Variants in IGSF9 observed in about 807,000 individuals in gnomAD.
The protein encoded by IGSF9 is protein turtle homolog A.
A neutral mutation model predicts 121.7 loss-of-function variants in IGSF9; 87 were observed. That is an observed-to-expected ratio of 0.71 (90% CI 0.60 to 0.85). The LOEUF is 0.85. IGSF9 is among the 40% of genes least tolerant of loss of function. The probability of loss-of-function intolerance (pLI) is 0.00; values close to 1 mark genes in which losing one functional copy is unlikely to be tolerated. For missense variants in IGSF9, 1,462 were observed against 1,565.3 expected (o/e 0.93, Z 1.11); for synonymous variants, 640 against 648.4 (o/e 0.99, Z 0.20).
In IGSF9 at chr1:159,929,654, G is replaced by C. The variant is rs1410521405; in HGVS notation, c.2310C>G (p.Arg770=). Residue 770 remains arginine (R), a synonymous_variant, in exon 17 of 21, where the codon CGC becomes CGG. Coordinates refer to ENST00000368094, the MANE Select transcript of IGSF9 (RefSeq NM_001135050.2). ...GGGACTTACCTTGGCGGAGGCGCTT[G>C]CGGCGGCGGCGGGCAGCCCTGCGCC... The part of the protein sequence containing the change: ...LNRRRAARRR[R]KRLRQDPPLI... 6.3e-7 allele frequency: 1 copy of C among 1,589,782 alleles called. No individual in the cohort carries two copies. The highest frequency in any genetic ancestry group is 8.5e-7 in the Non-Finnish European group (1 of 1,170,160).
At position 159,930,264 on chromosome 1, in the gene IGSF9, G is replaced by T. The variant is rs753427839; in HGVS notation, c.1989C>A (p.Gly663=). 2.5e-6 allele frequency: 4 copies of T among 1,613,832 alleles called. No individual in the cohort carries two copies. The highest frequency in any genetic ancestry group is 3.4e-6 in the Non-Finnish European group (4 of 1,179,906). ...LDGYVLEGRQ[G]SQGWEVLDPA... is the part of the protein sequence containing the mutation. The stretch of plus-strand genomic sequence containing the variant: ...GGTCCAGCACCTCCCAGCCCTGGGA[G>T]CCTTGCCGGCCTTCCAAGACGTAGC... The change falls in exon 15 of 21, where the codon GGC becomes GGA. Residue 663 remains glycine, a synonymous_variant. Coordinates refer to ENST00000368094, the MANE Select transcript of IGSF9 (RefSeq NM_001135050.2).
rs1650773271 is a variant in IGSF9 at position 159,927,365 on chromosome 1, C to CG, written c.3519dup (p.Glu1174ArgfsTer15). On this transcript the variant is annotated frameshift_variant, in exon 21 of 21. Coordinates refer to ENST00000368094, the MANE Select transcript of IGSF9 (RefSeq NM_001135050.2). LOFTEE classifies it high-confidence loss of function. Reference sequence around the variant, plus strand: ...GATGTTCACAGCAGAGTGGCCTGTTCGGGGTGGGGGACTGGCTGTCGATAG... The same window carrying CG: ...GATGTTCACAGCAGAGTGGCCTGTTCGGGGGTGGGGGACTGGCTGTCGATAG... 1 of 1,613,576 alleles carries CG rather than the reference C, an allele frequency of 6.2e-7. No homozygotes were observed. Among genetic ancestry groups the CG allele is most frequent in the South Asian group, 1.1e-5 (1 of 91,062 alleles).
chr1:159,930,602 C>T (rs1650959854), intron 14 of IGSF9, 90 bp downstream of exon 14: 13 of 1,575,746 alleles, frequency 8.3e-6, no homozygotes, highest in Admixed American at 1.8e-5. Flanking sequence ...CACCTCTGCC[C>T]CTTCCCACCC....
chr1:159,928,138 T>C lies in IGSF9; in HGVS notation c.3230+20A>G, dbSNP rs1290740868. On this transcript the variant is annotated intron_variant, in intron 19 of 20. Coordinates refer to ENST00000368094, the MANE Select transcript of IGSF9 (RefSeq NM_001135050.2). Reference sequence around the variant, plus strand: ...GGTGGGACTGAGGCGGAGGCAGGGATGGGCAGGGACTGCTCTCACCTCTTG... The same window carrying C: ...GGTGGGACTGAGGCGGAGGCAGGGACGGGCAGGGACTGCTCTCACCTCTTG... 1 of 1,600,042 alleles carries C rather than the reference T, an allele frequency of 6.2e-7. No individual in the cohort carries two copies. Among genetic ancestry groups the C allele is most frequent in the African/African-American group, 1.3e-5 (1 of 74,996 alleles).
Position 159,928,188 on chromosome 1 carries a change from C to T in IGSF9, c.3200G>A (p.Arg1067Gln), listed in dbSNP as rs770700069. Reference protein sequence around the residue: ...SWASGPERWPRREHVVTVSKR... With the variant: ...SWASGPERWPQREHVVTVSKR... Reference sequence around the variant, plus strand: ...GCTGACTGTCACCACATGCTCCCTTCGGGGCCATCTCTCAGGGCCACTGGC... The same window carrying T: ...GCTGACTGTCACCACATGCTCCCTTTGGGGCCATCTCTCAGGGCCACTGGC... The change falls in exon 19 of 21, where the codon CGA becomes CAA. Residue 1067 changes from arginine to glutamine, a missense_variant. By Grantham distance (43) the Arg-to-Gln change is conservative. This residue lies in a region of IGSF9 where 808 missense variants were observed against 815.2 expected (regional missense o/e 0.99). Coordinates refer to ENST00000368094, the MANE Select transcript of IGSF9 (RefSeq NM_001135050.2). 19 of 1,610,752 alleles carry T rather than the reference C, an allele frequency of 1.2e-5. No individual in the cohort carries two copies. Among genetic ancestry groups the T allele is most frequent in the South Asian group, 5.5e-5 (5 of 91,076 alleles).
chr1:159,927,085 C>T lies in IGSF9; in HGVS notation c.*260G>A. On this transcript the variant is annotated 3_prime_UTR_variant, in exon 21 of 21. Coordinates refer to ENST00000368094, the MANE Select transcript of IGSF9 (RefSeq NM_001135050.2). ...TCACCTGTAAAAAACTTCACACACA[C>T]ACACACACACACAGAGAGAGAGAGA... The T allele has an allele frequency of 1.9e-6, 1 of 521,682 alleles. No homozygotes were observed. Among genetic ancestry groups the T allele is most frequent in the Admixed American group, 3.6e-5 (1 of 27,726 alleles). 32.3% of individuals were successfully genotyped at this position (521,682 alleles called of 1,614,324 possible). A position where few individuals can be genotyped will look rare whatever the true frequency, so the allele number is the denominator to read the frequency against.
chr1:159,937,022 G>A, intron 4 of IGSF9, 114 bp from the exon 5 acceptor site: 2 of 1,062,146 alleles, frequency 1.9e-6, no homozygotes, highest in Non-Finnish European at 2.8e-6. Flanking sequence ...CACCAGCCCT[G>A]CCTCATAGGA....
At position 159,927,097 on chromosome 1, in the gene IGSF9, CAGAGAGAG is replaced by C. The variant is rs1553225973; in HGVS notation, c.*240_*247del. The stretch of plus-strand genomic sequence containing the variant: ...AACTTCACACACACACACACACACA[CAGAGAGAG>C]AGAGAGAGAGAGAGAGAGAGAGAGA... On this transcript the variant is annotated 3_prime_UTR_variant, in exon 21 of 21. Transcript: ENST00000368094. The C allele has an allele frequency of 0.053, 19,529 of 370,102 alleles. 427 individuals carry two copies. Among genetic ancestry groups the C allele is most frequent in the African/African-American group, 0.11 (4,782 of 42,186 alleles). The allele number at this position is 370,102 out of a possible 1,614,324, so 22.9% of individuals were successfully genotyped here. A position where few individuals can be genotyped will look rare whatever the true frequency, so the allele number is the denominator to read the frequency against.
At chr1:159,929,485 AT>A in intron 17 of IGSF9, 92 bp from the exon 18 acceptor site, 1 of 1,534,056 alleles carries the variant, frequency 6.5e-7, no homozygotes, top group Non-Finnish European at 8.9e-7. Flanking sequence ...GCCCAACCCC[AT>A]CCGGCTGGGA....
chr1:159,928,466 A>G lies in IGSF9; in HGVS notation c.2922T>C (p.Pro974=). 6.3e-7 allele frequency: 1 copy of G among 1,592,790 alleles called. No individual in the cohort carries two copies. Among genetic ancestry groups the G allele is most frequent in the South Asian group, 1.1e-5 (1 of 89,026 alleles). ...CAGGAAGTGATTCCCTGGGGGATAC[A>G]GGAGGGGTTTCTGGAGAACGAAGGA... ...SSFLRSPETP[P]VSPRESLPGA... Residue 974 remains proline, a synonymous_variant, in exon 19 of 21, where the codon CCT becomes CCC. Transcript: ENST00000368094.
chr1:159,931,797 G>T lies in IGSF9; in HGVS notation c.1362+15C>A. The stretch of plus-strand genomic sequence containing the variant: ...GTGGGCGTGGGTACAGGCAGAGCGG[G>T]CTCAGGAGCCTTACCTTGGTCCAAG... On this transcript the variant is annotated intron_variant, in intron 11 of 20. Coordinates refer to ENST00000368094, the MANE Select transcript of IGSF9 (RefSeq NM_001135050.2). This position sits in a 1 kb window ranked among gnomAD's most constrained non-coding sequence, Gnocchi z 4.8. 1 of 1,528,964 alleles carries T rather than the reference G, an allele frequency of 6.5e-7. No homozygotes were observed. The highest frequency in any genetic ancestry group is 8.9e-7 in the Non-Finnish European group (1 of 1,128,480). The allele number at this position is 1,528,964 out of a possible 1,614,324, so 94.7% of individuals were successfully genotyped here. A position where few individuals can be genotyped will look rare whatever the true frequency, so the allele number is the denominator to read the frequency against.
rs3747616 is a variant in IGSF9, at chr1:159,928,539, G to A, written c.2849C>T (p.Ala950Val). The stretch of plus-strand genomic sequence containing the variant: ...GGTATCCATGTAATCTGGGGGTGCA[G>A]CAGGGCTGGGCTCCTCAAGCGGGGG... ...DWPPLEEPSP[A>V]APPDYMDTRR... Residue 950 changes from alanine to valine, a missense_variant, in exon 19 of 21, where the codon GCT becomes GTT. Transcript: ENST00000368094. 1 of 1,551,580 alleles carries A rather than the reference G, an allele frequency of 6.4e-7. No individual in the cohort carries two copies. Among genetic ancestry groups the A allele is most frequent in the East Asian group, 2.3e-5 (1 of 43,870 alleles).
rs937365898 is a variant in IGSF9, at chr1:159,931,473, G to A, written c.1493C>T (p.Ser498Phe). ...ASNAVARVAT[S>F]TNVYVLGTSP... is the part of the protein sequence containing the mutation. ...CTAACCCAGCACGTAGACGTTCGTG[G>A]AGGTGGCCACTCGGGCCACAGCATT... Residue 498 changes from serine to phenylalanine, a missense_variant, in exon 12 of 21, where the codon TCC becomes TTC. Coordinates refer to ENST00000368094, the MANE Select transcript of IGSF9 (RefSeq NM_001135050.2). This position sits in a 1 kb window ranked among gnomAD's most constrained non-coding sequence, Gnocchi z 4.8. 1.9e-6 allele frequency: 3 copies of A among 1,613,924 alleles called. No homozygotes were observed. In the East Asian group the frequency reaches 6.7e-5, roughly 36 times the overall value.
chr1:159,936,607 C>G, intron 5 of IGSF9, 91 bp from the exon 6 acceptor site: 1 of 1,529,904 alleles, frequency 6.5e-7, no homozygotes, highest in East Asian at 2.3e-5. Flanking sequence ...AGGCAGCACC[C>G]CAGGCTCGGG....
chr1:159,934,267 G>A lies in IGSF9; in HGVS notation c.1027C>T (p.Arg343Cys), dbSNP rs368333835. Reference sequence around the variant, plus strand: ...GGGGGGTTGGCACGAACCGGGCAGCGGATCACCCCCGGCATGCCTATGGGC... The same window carrying A: ...GGGGGGTTGGCACGAACCGGGCAGCAGATCACCCCCGGCATGCCTATGGGC... ...PLPIGMPGVI[R>C]CPVRANPPLL... is the part of the protein sequence containing the mutation. Residue 343 changes from arginine to cysteine, a missense_variant, in exon 9 of 21, where the codon CGC becomes TGC. Arg to Cys is a radical substitution (Grantham distance 180). Transcript: ENST00000368094. 1.8e-5 allele frequency: 29 copies of A among 1,613,686 alleles called. No individual in the cohort carries two copies. The highest frequency in any genetic ancestry group is 1.3e-4 in the African/African-American group (10 of 75,046).
chr1:159,941,660 C>T (rs959082009), intron 3 of IGSF9, among the ~76,000 whole-genome samples: 2 of 152,244 alleles, frequency 1.3e-5, no homozygotes, highest in African/African-American at 4.8e-5. Context: ...CCAGGAAAAG[C>T]CCCTCCCTCT....
At chr1:159,929,570 A>C in intron 17 of IGSF9, 68 bp downstream of exon 17, 3 of 1,522,070 alleles carry the variant, frequency 2.0e-6, no homozygotes, top group Non-Finnish European at 2.7e-6. Flanking sequence ...CTTTTCCCCC[A>C]GGTAGGAGGG....
Position 159,932,544 on chromosome 1 carries a change from C to G in IGSF9, c.1213G>C (p.Gly405Arg). The change falls in exon 10 of 21, where the codon GGG (glycine) becomes CGG (arginine). Residue 405 changes from glycine (G) to arginine (R), a missense_variant. By Grantham distance (125) the Gly-to-Arg change is moderately radical (BLOSUM62 -2). Transcript: ENST00000368094. The surrounding 1 kb of genome is among the most constrained non-coding windows in gnomAD (Gnocchi z 4.1). ...CTPYNSLGTA[G>R]PSPVTRVLLK... ...AGCACGCGGGTCACAGGAGAGGGCC[C>G]GGCGGTACCAAGACTGTTGTAGGGG... The G allele has an allele frequency of 1.2e-6, 2 of 1,614,048 alleles. No individual in the cohort carries two copies. The highest frequency in any genetic ancestry group is 1.7e-6 in the Non-Finnish European group (2 of 1,179,986).
rs200969104 is a variant in IGSF9 at position 159,929,695 on chromosome 1, C to G, written c.2269G>C (p.Gly757Arg). 3.8e-6 allele frequency: 6 copies of G among 1,598,030 alleles called. No homozygotes were observed. The highest frequency in any genetic ancestry group is 2.3e-5 in the East Asian group (1 of 44,104). Reference protein sequence around the residue: ...GVAVLVSILAGCLLNRRRAAR... With the variant: ...GVAVLVSILARCLLNRRRAAR... ...GCCCTGCGCCGGTTCAGGAGGCAGCCGGCCAGGATGCTCACAAGGACGGCC... is the reference window on the plus strand; with the variant it reads ...GCCCTGCGCCGGTTCAGGAGGCAGCGGGCCAGGATGCTCACAAGGACGGCC... Residue 757 changes from glycine to arginine, a missense_variant, in exon 17 of 21, where the codon GGC becomes CGC. Gly to Arg is a moderately radical substitution (Grantham distance 125, BLOSUM62 -2). Transcript: ENST00000368094.
Sources: gnomAD v4.1 joint callset for allele counts (sites outside exome capture counted in the v4.1 genomes callset) on GRCh38, gnomAD v4.1.1 for gene constraint, gnomAD v4.1.1 regional missense constraint, Gnocchi (gnomAD v3.1) non-coding constraint, MANE v1.5 for transcripts, NCBI Gene and HGNC (gene_info 2026-07-23, HGNC 2026-07-21) for gene names.